The following FAT3 variants were observed in gnomAD, a reference collection of about 807,000 sequenced individuals.
FAT3 encodes the protein FAT atypical cadherin 3.
Under a neutral mutation model 310.2 loss-of-function variants are expected in FAT3, and 95 were observed. That is an observed-to-expected ratio of 0.31 (90% CI 0.26 to 0.36). The LOEUF is 0.36. Ranked by LOEUF, FAT3 falls within the 10% of genes least tolerant of loss-of-function variation. The pLI is 1.00. For missense variants in FAT3, 5,408 were observed against 5,715.6 expected (o/e 0.95, Z 1.74); for synonymous variants, 2,314 against 2,192.9 (o/e 1.06, Z -1.54).
intron 2 of FAT3, among the ~76,000 whole-genome samples, chr11:92,356,855 A>G (rs1333985961): frequency 6.6e-6 from 1 of 152,186 alleles, no homozygotes; most frequent in African/African-American, 2.4e-5. Flanking sequence ...AGAAAAAATG[A>G]TTTAAGAAAC....
At chr11:92,836,820 A>AT in intron 16 of FAT3, 117 bp downstream of exon 16, 1 of 1,209,228 alleles carries the variant, frequency 8.3e-7, no homozygotes, top group Non-Finnish European at 1.1e-6. Flanking sequence ...ATGAGAGTAA[A>AT]TAAGGATGGG....
rs377708589 is a variant in FAT3 at position 92,803,257 on chromosome 11, G to A, written c.8896+1348G>A. 2.6e-5 allele frequency among the ~76,000 whole-genome samples: 4 copies of A among 152,128 alleles called. No homozygotes were observed. In the South Asian group the frequency reaches 6.2e-4, roughly 24 times the overall value. On this transcript the variant is annotated intron_variant, in intron 10 of 27. Transcript: ENST00000525166. ...GATGATTTAAAGGGACTATCCCATC[G>A]ACTTTACCAAAGTAATGAGTACAGA...
At position 92,801,560 on chromosome 11, in the gene FAT3, C is replaced by A; in HGVS notation, c.8547C>A (p.Val2849=). ...TGGACTGGGGAGCCAATGGACAAGT[C>A]ACTTACTCCCTCCACTCGGATTCCC... is the stretch of plus-strand genomic sequence containing the variant. ...IDMDWGANGQ[V]TYSLHSDSQP... Residue 2849 remains valine (V), a synonymous_variant, in exon 10 of 28, where the codon GTC becomes GTA. Coordinates refer to ENST00000525166, the MANE Select transcript of FAT3 (RefSeq NM_001367949.2). 1 of 1,608,150 alleles carries A rather than the reference C, an allele frequency of 6.2e-7. No individual in the cohort carries two copies. The highest frequency in any genetic ancestry group is 1.1e-5 in the South Asian group (1 of 89,972).
chr11:92,494,174 CCTCA>C (rs1477942224), intron 2 of FAT3, among the ~76,000 whole-genome samples: 2 of 151,708 alleles, frequency 1.3e-5, no homozygotes, highest in Non-Finnish European at 2.9e-5. Context: ...TTGAGAACTC[CCTCA>C]CTATCACGAG....
chr11:92,425,172 T>A (rs1192619663), intron 2 of FAT3, among the ~76,000 whole-genome samples: 1 of 149,684 alleles, frequency 6.7e-6, no homozygotes, highest in Middle Eastern at 3.2e-3. Flanking sequence ...TGAACAGCTC[T>A]GTGAATGAAG....
rs1228133855 is a variant in FAT3 at position 92,844,456 on chromosome 11, A to G, written c.11089A>G (p.Asn3697Asp). The change falls in exon 19 of 28, where the codon AAC becomes GAC. Residue 3697 changes from asparagine (N) to aspartate (D), a missense_variant. Physicochemically the swap from Asn to Asp is conservative, Grantham distance 23. Coordinates refer to ENST00000525166, the MANE Select transcript of FAT3 (RefSeq NM_001367949.2). ...CAGCATCCAGCCCGTGGCAGGCACCAACCAACTGGACATGCTGTTTGCGGT... is the reference window on the plus strand; with the variant it reads ...CAGCATCCAGCCCGTGGCAGGCACCGACCAACTGGACATGCTGTTTGCGGT... Reference protein sequence around the residue: ...IISIQPVAGTNQLDMLFAVEM... With the variant: ...IISIQPVAGTDQLDMLFAVEM... The G allele has an allele frequency of 5.6e-6, 9 of 1,613,868 alleles. No individual in the cohort carries two copies. The highest frequency in any genetic ancestry group is 7.6e-6 in the Non-Finnish European group (9 of 1,179,896).
At chr11:92,852,688 T>A (rs1170177081) in intron 19 of FAT3, among the ~76,000 whole-genome samples, 1 of 152,348 alleles carries the variant, frequency 6.6e-6, no homozygotes, top group East Asian at 1.9e-4. Context: ...TATATTGATA[T>A]TATTCATCTT....
intron 2 of FAT3, among the ~76,000 whole-genome samples, chr11:92,359,814 AT>A (rs1268435520): frequency 1.4e-5 from 2 of 143,410 alleles, no homozygotes; most frequent in African/African-American, 5.3e-5. Flanking sequence ...TGAACTCGTC[AT>A]TTTTTATGGC....
intron 2 of FAT3, among the ~76,000 whole-genome samples, chr11:92,506,710 C>T (rs1468920518): frequency 2.0e-5 from 3 of 152,084 alleles, no homozygotes; most frequent in East Asian, 1.9e-4. Flanking sequence ...AATGTTCTTA[C>T]AAAGGGGAAA....
chr11:92,614,528 A>C (rs2135638108), intron 3 of FAT3, among the ~76,000 whole-genome samples: 1 of 152,168 alleles, frequency 6.6e-6, no homozygotes, highest in South Asian at 2.1e-4. Context: ...TGTGCTATTC[A>C]CATCCTTTGC....
At chr11:92,855,288 G>C (rs1350404128) in intron 19 of FAT3, among the ~76,000 whole-genome samples, 1 of 152,174 alleles carries the variant, frequency 6.6e-6, no homozygotes, top group African/African-American at 2.4e-5. Context: ...TTACTTAAAG[G>C]ATCTCACCCT....
chr11:92,707,251 C>T (rs1183094448), intron 4 of FAT3, among the ~76,000 whole-genome samples: 1 of 152,240 alleles, frequency 6.6e-6, no homozygotes, highest in East Asian at 1.9e-4. Flanking sequence ...GTGGCTCCGC[C>T]TGGCAATGGA....
At position 92,354,041 on chromosome 11, in the gene FAT3, C is replaced by A. The variant is rs759832330; in HGVS notation, c.1929C>A (p.Gly643=). ...TTAAAAAATCACTGACAAATTCTGG[C>A]ATTAAAAATGGCAATTTTGCCCTCA... ...LQLKKSLTNS[G]IKNGNFALRI... is the part of the protein sequence containing the mutation. Residue 643 remains glycine (G), a synonymous_variant, in exon 2 of 28, where the codon GGC becomes GGA. Coordinates refer to ENST00000525166, the MANE Select transcript of FAT3 (RefSeq NM_001367949.2). 6.2e-7 allele frequency: 1 copy of A among 1,613,436 alleles called. No individual in the cohort carries two copies. The highest frequency in any genetic ancestry group is 1.1e-5 in the South Asian group (1 of 91,030).
Position 92,890,666 on chromosome 11 carries a change from T to G in FAT3, c.13323T>G (p.His4441Gln). The change falls in exon 28 of 28, where the codon CAT (histidine) becomes CAG (glutamine). Residue 4441 changes from histidine to glutamine, a missense_variant. His to Gln is a conservative substitution (Grantham distance 24). Coordinates refer to ENST00000525166, the MANE Select transcript of FAT3 (RefSeq NM_001367949.2). ...YDIDSEYPPP[H>Q]EEEFLSQDQL... ...TTGACAGTGAATACCCACCCCCTCA[T>G]GAAGAGGAGTTCTTGAGTCAGGACC... 1 of 1,613,740 alleles carries G rather than the reference T, an allele frequency of 6.2e-7. No individual in the cohort carries two copies. The highest frequency in any genetic ancestry group is 8.5e-7 in the Non-Finnish European group (1 of 1,179,834).
intron 3 of FAT3, among the ~76,000 whole-genome samples, chr11:92,547,540 G>A (rs1356389161): frequency 6.6e-6 from 1 of 152,054 alleles, no homozygotes; most frequent in Non-Finnish European, 1.5e-5. Context: ...TGAAAGACCA[G>A]GTTTGAAATT....
At chr11:92,879,761 C>T (rs542913003) in intron 22 of FAT3, among the ~76,000 whole-genome samples, 13 of 152,092 alleles carry the variant, frequency 8.5e-5, no homozygotes, top group African/African-American at 2.4e-4. Context: ...TAGAAAATGC[C>T]TAACACTAAA....
chr11:92,318,582 C>A (rs1338586907), intron 1 of FAT3, among the ~76,000 whole-genome samples: 1 of 152,096 alleles, frequency 6.6e-6, no homozygotes, highest in Admixed American at 6.6e-5. Context: ...GAGATAAACT[C>A]CTTGAAGAAA....
intron 2 of FAT3, among the ~76,000 whole-genome samples, chr11:92,407,669 T>A (rs1950161924): frequency 6.6e-6 from 1 of 152,164 alleles, no homozygotes; most frequent in African/African-American, 2.4e-5. Flanking sequence ...CAAGAGCATG[T>A]GTAATTATGC....
chr11:92,597,222 A>T (rs1939756972), intron 3 of FAT3, among the ~76,000 whole-genome samples: 1 of 152,238 alleles, frequency 6.6e-6, no homozygotes, highest in Non-Finnish European at 1.5e-5. Context: ...ATTATCTGTC[A>T]CATCTTTTCA....
Sources: gnomAD v4.1 joint callset for allele counts (sites outside exome capture counted in the v4.1 genomes callset) on GRCh38, gnomAD v4.1.1 for gene constraint, MANE v1.5 for transcripts, NCBI Gene and HGNC (gene_info 2026-07-23, HGNC 2026-07-21) for gene names.